Variants in DES observed in about 807,000 individuals in gnomAD.
The protein encoded by DES is cardiomyopathy, dilated 1F (autosomal dominant).
DES carries 34 observed loss-of-function variants against 55.1 expected under a neutral mutation model. The observed-to-expected ratio is 0.62, with a 90% CI of 0.47 to 0.82. DES has a LOEUF of 0.82. Ranked by LOEUF, DES falls within the 40% of genes least tolerant of loss-of-function variation. The pLI, the probability that DES is intolerant of heterozygous loss-of-function variation, is 0.00. For synonymous variants in DES, 259 were observed against 270.8 expected (o/e 0.96, Z 0.43); for missense variants, 596 against 645.9 (o/e 0.92, Z 0.84).
In DES at chr2:219,419,179, C is replaced by T. The variant is rs1575013662; in HGVS notation, c.578+139C>T. 6 of 1,475,072 alleles carry T rather than the reference C, an allele frequency of 4.1e-6. No homozygotes were observed. The East Asian group carries it at 1.5e-4, about 37-fold the overall frequency. The allele number at this position is 1,475,072 out of a possible 1,614,324, so 91.4% of individuals were successfully genotyped here. On this transcript the variant is annotated intron_variant, in intron 1 of 8. Transcript: ENST00000373960. This position sits in a 1 kb window ranked among gnomAD's most constrained non-coding sequence, Gnocchi z 4.3. ...TCCTGCCCCATGTGGAGAAAGGGTCCTCCACCTGTGTGTTTCAAGGGGCCG... is the reference window on the plus strand; with the variant it reads ...TCCTGCCCCATGTGGAGAAAGGGTCTTCCACCTGTGTGTTTCAAGGGGCCG...
intron 6 of DES, 99 bp downstream of exon 6, chr2:219,421,659 C>A: frequency 1.7e-6 from 2 of 1,165,638 alleles, no homozygotes; most frequent in Non-Finnish European, 2.4e-6. Context: ...CTCAACAAGA[C>A]CTGGAAACAA....
chr2:219,418,528 G>A lies in DES; in HGVS notation c.66G>A (p.Pro22=), dbSNP rs767502653. ...SSYRRTFGGA[P]GFPLGSPLSS... ...ACCGCCGCACCTTCGGCGGGGCCCC[G>A]GGCTTCCCACTCGGCTCCCCGCTGA... The change falls in exon 1 of 9, where the codon CCG becomes CCA. Residue 22 remains proline, a synonymous_variant. Transcript: ENST00000373960. 9 of 1,603,522 alleles carry A rather than the reference G, an allele frequency of 5.6e-6. No homozygotes were observed. The highest frequency in any genetic ancestry group is 3.4e-5 in the Admixed American group (2 of 59,254).
Position 219,419,896 on chromosome 2 carries a change from C to T in DES, c.579-199C>T. ...GGACATAGACTTCAAGGGTGTGGCT[C>T]CTGGGCAGAGATTGGGCCACTTCCT... On this transcript the variant is annotated intron_variant, in intron 1 of 8. Transcript: ENST00000373960. The surrounding 1 kb of genome is among the most constrained non-coding windows in gnomAD (Gnocchi z 4.3). The T allele has an allele frequency of 1.5e-6, 1 of 661,160 alleles. No individual in the cohort carries two copies. Among genetic ancestry groups the T allele is most frequent in the South Asian group, 1.7e-5 (1 of 57,580 alleles). The allele number at this position is 661,160 out of a possible 1,614,324, so 41.0% of individuals were successfully genotyped here. A position where few individuals can be genotyped will look rare whatever the true frequency, so the allele number is the denominator to read the frequency against.
In DES at chr2:219,420,664, G is replaced by A. The variant is rs1057520465; in HGVS notation, c.897+8G>A. On this transcript the variant is annotated splice_region_variant and intron_variant, in intron 4 of 8. Coordinates refer to ENST00000373960, the MANE Select transcript of DES (RefSeq NM_001927.4). This position sits in a 1 kb window ranked among gnomAD's most constrained non-coding sequence, Gnocchi z 6.0. ...GAGTGGTACAAGTCGAAGGTGGGTG[G>A]CCTCGCCCGGGGACTGGCATCTCCG... 1 of 1,614,018 alleles carries A rather than the reference G, an allele frequency of 6.2e-7. No individual in the cohort carries two copies. Among genetic ancestry groups the A allele is most frequent in the Non-Finnish European group, 8.5e-7 (1 of 1,180,014 alleles).
In DES at chr2:219,418,991, G is replaced by C. The variant is rs1057524813; in HGVS notation, c.529G>C (p.Asp177His). 2 of 1,550,110 alleles carry C rather than the reference G, an allele frequency of 1.3e-6. No individual in the cohort carries two copies. Among genetic ancestry groups the C allele is most frequent in the East Asian group, 2.4e-5 (1 of 41,050 alleles). ...EVLTNQRARV[D>H]VERDNLLDDL... ...GCTCACTAACCAGCGCGCGCGCGTC[G>C]ACGTCGAGCGCGACAACCTGCTCGA... The change falls in exon 1 of 9, where the codon GAC (aspartate) becomes CAC (histidine). Residue 177 changes from aspartate (D) to histidine (H), a missense_variant. Coordinates refer to ENST00000373960, the MANE Select transcript of DES (RefSeq NM_001927.4).
Position 219,418,754 on chromosome 2 carries a change from A to G in DES, c.292A>G (p.Asn98Asp). ...LLDFSLADAV[N>D]QEFLTTRTNE... The stretch of plus-strand genomic sequence containing the variant: ...GGACTTCTCACTGGCCGACGCGGTG[A>G]ACCAGGAGTTTCTGACCACGCGCAC... Residue 98 changes from asparagine (N) to aspartate (D), a missense_variant, in exon 1 of 9, where the codon AAC becomes GAC. Physicochemically the swap from Asn to Asp is conservative, Grantham distance 23. Transcript: ENST00000373960. 6.4e-7 allele frequency: 1 copy of G among 1,562,000 alleles called. No homozygotes were observed. The highest frequency in any genetic ancestry group is 8.7e-7 in the Non-Finnish European group (1 of 1,152,520).
rs1214936508 is a variant in DES at position 219,418,479 on chromosome 2, C to G, written c.17C>G (p.Ser6Trp). 1 of 1,598,490 alleles carries G rather than the reference C, an allele frequency of 6.3e-7. No individual in the cohort carries two copies. Among genetic ancestry groups the G allele is most frequent in the Non-Finnish European group, 8.5e-7 (1 of 1,177,012 alleles). Residue 6 changes from serine to tryptophan, a missense_variant, in exon 1 of 9, where the codon TCG becomes TGG. Coordinates refer to ENST00000373960, the MANE Select transcript of DES (RefSeq NM_001927.4). MSQAY[S>W]SSQRVSSYRR... ...GCCGTCACCATGAGCCAGGCCTACT[C>G]GTCCAGCCAGCGCGTGTCCTCCTAC...
rs2125166022 is a variant in DES at position 219,418,670 on chromosome 2, C to T, written c.208C>T (p.Arg70Trp). 1 of 1,579,748 alleles carries T rather than the reference C, an allele frequency of 6.3e-7. No individual in the cohort carries two copies. The highest frequency in any genetic ancestry group is 8.6e-7 in the Non-Finnish European group (1 of 1,163,314). Residue 70 changes from arginine to tryptophan, a missense_variant, in exon 1 of 9, where the codon CGG becomes TGG. Physicochemically the swap from Arg to Trp is moderately radical, Grantham distance 101. Transcript: ENST00000373960. ...CGGGGCCGGGGGCCTGGGGTCGCTG[C>T]GGGCCAGCCGGCTGGGGACCACCCG... ...SGGAGGLGSL[R>W]ASRLGTTRTP...
Position 219,426,604 on chromosome 2 carries a change from C to T in DES, c.*614C>T, listed in dbSNP as rs1954542927. 1 of 168,416 alleles carries T rather than the reference C, an allele frequency of 5.9e-6. No individual in the cohort carries two copies. The highest frequency in any genetic ancestry group is 1.5e-4 in the South Asian group (1 of 6,548). 10.4% of individuals were successfully genotyped at this position (168,416 alleles called of 1,614,324 possible). On this transcript the variant is annotated 3_prime_UTR_variant, in exon 9 of 9. Coordinates refer to ENST00000373960, the MANE Select transcript of DES (RefSeq NM_001927.4). This position sits in a 1 kb window ranked among gnomAD's most constrained non-coding sequence, Gnocchi z 4.5. Reference sequence around the variant, plus strand: ...AGAAGGAGAGAAAGTGGGTGAGATGCTGGAGAAGAGAGGAGAGGAGAGAGG... The same window carrying T: ...AGAAGGAGAGAAAGTGGGTGAGATGTTGGAGAAGAGAGGAGAGGAGAGAGG...
rs1370474022 is a variant in DES at position 219,419,581 on chromosome 2, T to G, written c.579-514T>G. Among the ~76,000 whole-genome samples, 1 of 152,054 alleles carries G rather than the reference T, an allele frequency of 6.6e-6. No homozygotes were observed. The highest frequency in any genetic ancestry group is 1.5e-5 in the Non-Finnish European group (1 of 67,978). On this transcript the variant is annotated intron_variant, in intron 1 of 8. Coordinates refer to ENST00000373960, the MANE Select transcript of DES (RefSeq NM_001927.4). The surrounding 1 kb of genome is among the most constrained non-coding windows in gnomAD (Gnocchi z 4.3). ...AGACTGTGTCTTTTTACAAGGTGAA[T>G]GGACAGGCTGGAGAAAAAGGGAGTA...
At position 219,419,663 on chromosome 2, in the gene DES, G is replaced by T. The variant is rs1340179706; in HGVS notation, c.579-432G>T. 6.6e-6 allele frequency among the ~76,000 whole-genome samples: 1 copy of T among 152,192 alleles called. No individual in the cohort carries two copies. Among genetic ancestry groups the T allele is most frequent in the Non-Finnish European group, 1.5e-5 (1 of 68,026 alleles). On this transcript the variant is annotated intron_variant, in intron 1 of 8. Transcript: ENST00000373960. The surrounding 1 kb of genome is among the most constrained non-coding windows in gnomAD (Gnocchi z 4.3). ...AGGACCTGACTGTAGACTTCACCAG[G>T]CTCCAAGAACGAAAAGGGCAGCAAG...
Position 219,425,992 on chromosome 2 carries a change from G to A in DES, c.*2G>A. 1 of 1,613,976 alleles carries A rather than the reference G, an allele frequency of 6.2e-7. No individual in the cohort carries two copies. The highest frequency in any genetic ancestry group is 2.2e-5 in the East Asian group (1 of 44,878). On this transcript the variant is annotated 3_prime_UTR_variant, in exon 9 of 9. Coordinates refer to ENST00000373960, the MANE Select transcript of DES (RefSeq NM_001927.4). ...CAGCAGCAGCATGAAGTGCTCTAAAGACAGAGACCCTCTGCCACCAGAGAC... is the reference window on the plus strand; with the variant it reads ...CAGCAGCAGCATGAAGTGCTCTAAAAACAGAGACCCTCTGCCACCAGAGAC...
intron 7 of DES, among the ~76,000 whole-genome samples, chr2:219,424,222 C>T (rs924372528): frequency 2.0e-5 from 3 of 152,164 alleles, no homozygotes; most frequent in Non-Finnish European, 4.4e-5. Context: ...ATTGCCAAGC[C>T]CCACCTTGGC....
At chr2:219,421,582 C>G (rs779473751) in intron 6 of DES, 22 bp downstream of exon 6, 2 of 1,610,390 alleles carry the variant, frequency 1.2e-6, no homozygotes, top group East Asian at 4.5e-5. Context: ...GGCAGGAGCC[C>G]GAGTGGGAGG....
intron 5 of DES, 70 bp from the exon 6 acceptor site, chr2:219,421,270 G>A: frequency 1.3e-6 from 2 of 1,565,108 alleles, no homozygotes; most frequent in South Asian, 2.2e-5. Context: ...TTGCCTGCCA[G>A]CCCCAAAGCT....
chr2:219,424,861 C>T (rs955685709), intron 7 of DES, among the ~76,000 whole-genome samples: 13 of 152,222 alleles, frequency 8.5e-5, no homozygotes, highest in African/African-American at 3.1e-4. Flanking sequence ...TGCCTTATTC[C>T]TGCTCTGTCT....
rs200858541 is a variant in DES, at chr2:219,420,923, C to T, written c.993C>T (p.Tyr331=). Reference sequence around the variant, plus strand: ...AATACCGACACCAGATCCAGTCCTACACCTGCGAGATTGACGCCCTGAAGG... The same window carrying T: ...AATACCGACACCAGATCCAGTCCTATACCTGCGAGATTGACGCCCTGAAGG... The part of the protein sequence containing the change: ...MMEYRHQIQS[Y]TCEIDALKGT... The change falls in exon 5 of 9, where the codon TAC becomes TAT. Residue 331 remains tyrosine (Y), a synonymous_variant. Coordinates refer to ENST00000373960, the MANE Select transcript of DES (RefSeq NM_001927.4). The surrounding 1 kb of genome is among the most constrained non-coding windows in gnomAD (Gnocchi z 6.0). 7 of 1,613,646 alleles carry T rather than the reference C, an allele frequency of 4.3e-6. No individual in the cohort carries two copies. The East Asian group carries it at 1.3e-4, about 31-fold the overall frequency.
At position 219,426,141 on chromosome 2, in the gene DES, C is replaced by G. The variant is rs1300910823; in HGVS notation, c.*151C>G. The G allele has an allele frequency of 1.6e-5, 15 of 909,520 alleles. No homozygotes were observed. Among genetic ancestry groups the G allele is most frequent in the Admixed American group, 8.0e-5 (4 of 50,182 alleles). 56.3% of individuals were successfully genotyped at this position (909,520 alleles called of 1,614,324 possible). A position where few individuals can be genotyped will look rare whatever the true frequency, so the allele number is the denominator to read the frequency against. On this transcript the variant is annotated 3_prime_UTR_variant, in exon 9 of 9. Coordinates refer to ENST00000373960, the MANE Select transcript of DES (RefSeq NM_001927.4). This position sits in a 1 kb window ranked among gnomAD's most constrained non-coding sequence, Gnocchi z 4.5. ...TCCTCACTGGCCATCCCTCGTGGTC[C>G]CCAACAGCGACATAGCCCATCCCTG... is the stretch of plus-strand genomic sequence containing the variant.
rs1449862738 is a variant in DES, at chr2:219,426,092, C to A, written c.*102C>A. ...CCAGGACACCACACCCAGCCTCAGT[C>A]CTCCCCTCACAGCCTCTGACCCCTC... On this transcript the variant is annotated 3_prime_UTR_variant, in exon 9 of 9. Transcript: ENST00000373960. The surrounding 1 kb of genome is among the most constrained non-coding windows in gnomAD (Gnocchi z 4.5). 3 of 1,336,664 alleles carry A rather than the reference C, an allele frequency of 2.2e-6. No individual in the cohort carries two copies. Among genetic ancestry groups the A allele is most frequent in the African/African-American group, 2.9e-5 (2 of 69,178 alleles). 82.8% of individuals were successfully genotyped at this position (1,336,664 alleles called of 1,614,324 possible).
Sources: gnomAD v4.1 joint callset for allele counts (sites outside exome capture counted in the v4.1 genomes callset) on GRCh38, gnomAD v4.1.1 for gene constraint, Gnocchi (gnomAD v3.1) non-coding constraint, MANE v1.5 for transcripts, NCBI Gene and HGNC (gene_info 2026-07-23, HGNC 2026-07-21) for gene names.